Variants in UBE2A observed in about 807,000 individuals in gnomAD.
UBE2A encodes ubiquitin conjugating enzyme E2 A, also known as ubiquitin-conjugating enzyme E2 A.
For synonymous variants in UBE2A, 39 were observed against 41.1 expected (o/e 0.95, Z 0.20); for missense variants, 27 against 125.8 (o/e 0.21, Z 3.76).
chrX:119,581,446 C>T, intron 3 of UBE2A, 61 bp from the exon 4 acceptor site: 1 of 893,532 alleles, frequency 1.1e-6, no homozygotes, highest in Non-Finnish European at 1.6e-6. Flanking sequence ...GCATTAAAAA[C>T]AAAGTACTAC....
rs756470561 is a variant in UBE2A at position 119,582,645 on chromosome X, A to G, written c.299A>G (p.Tyr100Cys). 8.3e-7 allele frequency: 1 copy of G among 1,209,359 alleles called. No individual in the cohort carries two copies. ...CTTCAGAACCGTTGGAGTCCAACCT[A>G]TGATGTGTCTTCCATTCTAACATCC... The part of the protein sequence containing the change: ...DILQNRWSPT[Y>C]DVSSILTSIQ... Residue 100 changes from tyrosine to cysteine, a missense_variant, in exon 5 of 6, where the codon TAT becomes TGT. Transcript: ENST00000371558.
At chrX:119,579,657 C>T (rs1490534083) in intron 3 of UBE2A, among the ~76,000 whole-genome samples, 2 of 111,900 alleles carry the variant, frequency 1.8e-5, no homozygotes, top group Non-Finnish European at 3.8e-5. Context: ...GGACTTGGGC[C>T]CAGACCTGTC....
intron 3 of UBE2A, among the ~76,000 whole-genome samples, chrX:119,577,488 T>C (rs1268753837): frequency 9.0e-6 from 1 of 110,725 alleles, no homozygotes; most frequent in African/African-American, 3.3e-5. Flanking sequence ...ACTGGTTCTA[T>C]TTTTGATGAT....
intron 3 of UBE2A, among the ~76,000 whole-genome samples, chrX:119,575,992 G>A (rs2053413509): frequency 8.9e-6 from 1 of 112,085 alleles, no homozygotes; most frequent in Non-Finnish European, 1.9e-5. Context: ...TGCAGTGTGT[G>A]CTTTCATCAA....
In UBE2A at chrX:119,584,293, G is replaced by A. The variant is rs2053473556; in HGVS notation, c.*1038G>A. 1 of 111,498 alleles carries A rather than the reference G, an allele frequency of 9.0e-6. No individual in the cohort carries two copies. Among genetic ancestry groups the A allele is most frequent in the African/African-American group, 3.3e-5 (1 of 30,580 alleles). 9.2% of individuals were successfully genotyped at this position (111,498 alleles called of 1,213,427 possible). A position where few individuals can be genotyped will look rare whatever the true frequency, so the allele number is the denominator to read the frequency against. Reference sequence around the variant, plus strand: ...GCAGTATGGGACAAGGCTTGTAAATGTTTTGTCTAATGTTCTATTGTCACC... The same window carrying A: ...GCAGTATGGGACAAGGCTTGTAAATATTTTGTCTAATGTTCTATTGTCACC... On this transcript the variant is annotated 3_prime_UTR_variant, in exon 6 of 6. Coordinates refer to ENST00000371558, the MANE Select transcript of UBE2A (RefSeq NM_003336.4).
chrX:119,577,439 C>CA (rs2053423212), intron 3 of UBE2A, among the ~76,000 whole-genome samples: 1 of 110,487 alleles, frequency 9.1e-6, no homozygotes, highest in South Asian at 3.8e-4. Flanking sequence ...AAGGTACTTA[C>CA]AGAGTCCATT....
intron 5 of UBE2A, 82 bp from the exon 6 acceptor site, chrX:119,583,045 G>A: frequency 8.8e-7 from 1 of 1,131,131 alleles, no homozygotes; most frequent in Non-Finnish European, 1.2e-6. Flanking sequence ...GCTGTACTTA[G>A]GACAATTCAA....
intron 3 of UBE2A, among the ~76,000 whole-genome samples, chrX:119,580,087 A>G (rs1239007913): frequency 1.8e-5 from 2 of 111,941 alleles, no homozygotes; most frequent in Non-Finnish European, 3.8e-5. Context: ...ATGTTTGTCC[A>G]TTCCATAAGA....
rs2053403253 is a variant in UBE2A at position 119,574,829 on chromosome X, G to A, written c.45-72G>A. 6 of 1,200,182 alleles carry A rather than the reference G, an allele frequency of 5.0e-6. No homozygotes were observed. In the South Asian group the frequency reaches 1.1e-4, roughly 21 times the overall value. The stretch of plus-strand genomic sequence containing the variant: ...GGCGGGTCCCGAGGCGCGCCGGGCG[G>A]GGAGGGCTGGGGAGCGGCCGGGAGC... On this transcript the variant is annotated intron_variant, in intron 1 of 5. Transcript: ENST00000371558.
At chrX:119,577,635 C>CTTTTTTTTTT (rs11380086) in intron 3 of UBE2A, among the ~76,000 whole-genome samples, 5 of 56,795 alleles carry the variant, frequency 8.8e-5, no homozygotes, top group Non-Finnish European at 9.0e-5. Flanking sequence ...AAAATTTTAG[C>CTTTTTTTTTT]TTTTTTTTTT....
Position 119,580,166 on chromosome X carries a change from A to G in UBE2A, c.152-1341A>G, listed in dbSNP as rs1603309059. ...TTTGAAAAGAAAATAGGGAGTAACAATAATTTGAGGAATATAATGTCTCTG... is the reference window on the plus strand; with the variant it reads ...TTTGAAAAGAAAATAGGGAGTAACAGTAATTTGAGGAATATAATGTCTCTG... On this transcript the variant is annotated intron_variant, in intron 3 of 5. Coordinates refer to ENST00000371558, the MANE Select transcript of UBE2A (RefSeq NM_003336.4). Among the ~76,000 whole-genome samples, 3 of 111,955 alleles carry G rather than the reference A, an allele frequency of 2.7e-5. No individual in the cohort carries two copies. In the South Asian group the frequency reaches 1.1e-3, roughly 42 times the overall value.
intron 2 of UBE2A, 111 bp from the exon 3 acceptor site, chrX:119,575,264 C>T (rs1477150897): frequency 1.3e-5 from 14 of 1,100,547 alleles, no homozygotes; most frequent in African/African-American, 3.6e-5. Context: ...TAGTGGCTTC[C>T]GACCCCGGTA....
At position 119,583,115 on chromosome X, in the gene UBE2A, T is replaced by C. The variant is rs762827675; in HGVS notation, c.331-12T>C. 2 of 1,211,126 alleles carry C rather than the reference T, an allele frequency of 1.7e-6. No homozygotes were observed. The highest frequency in any genetic ancestry group is 2.2e-6 in the Non-Finnish European group (2 of 895,113). On this transcript the variant is annotated splice_polypyrimidine_tract_variant and intron_variant, in intron 5 of 5. Transcript: ENST00000371558. ...CATTAAGGAACTGACATTTTAAAAA[T>C]TGTCTCTTTAGTCTCTGTTGGATGA... is the stretch of plus-strand genomic sequence containing the variant.
At chrX:119,575,501 G>A in intron 3 of UBE2A, 101 bp downstream of exon 3, 1 of 1,079,474 alleles carries the variant, frequency 9.3e-7, no homozygotes, top group Non-Finnish European at 1.3e-6. Context: ...ACCTGCCTCT[G>A]CCTAGCCTCT....
chrX:119,575,479 T>A (rs2053410400), intron 3 of UBE2A, 79 bp downstream of exon 3: 2 of 1,164,009 alleles, frequency 1.7e-6, no homozygotes, highest in Admixed American at 4.4e-5. Flanking sequence ...TGGAAGTGTC[T>A]CCTGCTTAGG....
chrX:119,582,771 T>A, intron 5 of UBE2A, 95 bp downstream of exon 5: 6 of 761,564 alleles, frequency 7.9e-6, no homozygotes, highest in Non-Finnish European at 7.9e-6. Flanking sequence ...TAGATCTTTT[T>A]ATTTTTGGTC....
chrX:119,580,029 A>G (rs954388369), intron 3 of UBE2A, among the ~76,000 whole-genome samples: 11 of 111,906 alleles, frequency 9.8e-5, no homozygotes, highest in Non-Finnish European at 2.1e-4. Flanking sequence ...GTGGTGATAA[A>G]GGTGAAGTAT....
At chrX:119,582,930 TAGTG>T (rs1394931852) in intron 5 of UBE2A, among the ~76,000 whole-genome samples, 193 bp from the exon 6 acceptor site, 1 of 107,484 alleles carries the variant, frequency 9.3e-6, no homozygotes, top group Non-Finnish European at 1.9e-5. Flanking sequence ...CTGGGCAACA[TAGTG>T]AGACTCTTCT....
intron 2 of UBE2A, 38 bp from the exon 3 acceptor site, chrX:119,575,337 C>T (rs373604907): frequency 4.5e-5 from 54 of 1,209,657 alleles, no homozygotes; most frequent in Non-Finnish European, 5.7e-5. Context: ...GAAGGGGGCC[C>T]CTTAAGTGGG....
Sources: allele counts gnomAD v4.1 joint callset (sites outside exome capture counted in the v4.1 genomes callset), GRCh38; gene constraint gnomAD v4.1.1; transcripts MANE v1.5; gene names NCBI Gene and HGNC (gene_info 2026-07-23, HGNC 2026-07-21).